The following KIAA1328 variants were observed in gnomAD, a reference collection of about 807,000 sequenced individuals.
The protein encoded by KIAA1328 is KIAA1328, also known as protein hinderin.
KIAA1328 carries 52 observed loss-of-function variants against 68.1 expected under a neutral mutation model. The observed-to-expected ratio is 0.76, with a 90% CI of 0.61 to 0.96. KIAA1328 has a LOEUF of 0.96. KIAA1328 is among the 40% of genes least tolerant of loss of function. KIAA1328 has a pLI of 0.00. For synonymous variants in KIAA1328, 232 were observed against 239.4 expected, an observed-to-expected ratio of 0.97 and a Z score of 0.28; for missense variants, 641 against 677.6, an observed-to-expected ratio of 0.95 and a Z score of 0.60.
chr18:37,221,955 C>A, intron 9 of KIAA1328, 62 bp from the exon 10 acceptor site: 2 of 1,517,000 alleles, frequency 1.3e-6, no homozygotes, highest in South Asian at 1.2e-5. Context: ...TTCTGCTGGG[C>A]TTCTTGAATT....
intron 6 of KIAA1328, among the ~76,000 whole-genome samples, chr18:37,061,421 G>T (rs959594526): frequency 2.0e-5 from 3 of 152,162 alleles, no homozygotes; most frequent in South Asian, 2.1e-4. Context: ...TACACAGATA[G>T]ATACAAATAT....
chr18:36,939,772 C>T (rs568739398), intron 5 of KIAA1328, among the ~76,000 whole-genome samples: 3 of 152,084 alleles, frequency 2.0e-5, no homozygotes, highest in East Asian at 3.9e-4. Flanking sequence ...TTTTCTGTGC[C>T]TAATTTGTTG....
At chr18:36,877,401 T>G (rs560711262) in intron 4 of KIAA1328, among the ~76,000 whole-genome samples, 1 of 152,160 alleles carries the variant, frequency 6.6e-6, no homozygotes, top group South Asian at 2.1e-4. Context: ...TCTTGTTGCA[T>G]TGATCCCTTT....
intron 7 of KIAA1328, among the ~76,000 whole-genome samples, chr18:37,105,549 A>G (rs1057139526): frequency 2.7e-5 from 4 of 150,696 alleles, no homozygotes; most frequent in African/African-American, 9.8e-5. Context: ...AGTATTTGCT[A>G]TTAATTGAAT....
chr18:37,125,170 A>T (rs1411313147), intron 7 of KIAA1328, among the ~76,000 whole-genome samples: 1 of 152,114 alleles, frequency 6.6e-6, no homozygotes, highest in Non-Finnish European at 1.5e-5. Context: ...TCTACAAAAA[A>T]TTAGCCAGGC....
Position 36,898,734 on chromosome 18 carries a change from T to C in KIAA1328, c.448+13062T>C, listed in dbSNP as rs2048942788. Among the ~76,000 whole-genome samples the C allele has an allele frequency of 3.3e-5, 5 of 152,006 alleles. No homozygotes were observed. In the South Asian group the frequency reaches 8.3e-4, roughly 25 times the overall value. On this transcript the variant is annotated intron_variant, in intron 5 of 9. Coordinates refer to ENST00000280020, the MANE Select transcript of KIAA1328 (RefSeq NM_020776.3). ...CAAGCTTCACCATGATTTGCAATTCTAGTCAGCAGAACAGAGTCTGTTAAT... is the reference window on the plus strand; with the variant it reads ...CAAGCTTCACCATGATTTGCAATTCCAGTCAGCAGAACAGAGTCTGTTAAT...
chr18:36,885,994 G>A (rs1239452582), intron 5 of KIAA1328: 1 of 306,754 alleles, frequency 3.3e-6, no homozygotes, highest in Non-Finnish European at 5.9e-6. Context: ...TAGGATTACA[G>A]GTGTGAGCCA....
chr18:36,906,643 A>G (rs1346810374), intron 5 of KIAA1328, among the ~76,000 whole-genome samples: 1 of 152,112 alleles, frequency 6.6e-6, no homozygotes, highest in Non-Finnish European at 1.5e-5. Context: ...TTTATGGGGT[A>G]CATGAGATAT....
chr18:36,876,525 C>G (rs952774429), intron 4 of KIAA1328, among the ~76,000 whole-genome samples: 1 of 152,118 alleles, frequency 6.6e-6, no homozygotes, highest in African/African-American at 2.4e-5. Context: ...GTGATATCCC[C>G]TTTATCATAT....
downstream of KIAA1328, chr18:37,230,857 T>C (rs186736253): frequency 6.6e-6 from 1 of 152,330 alleles, no homozygotes; most frequent in East Asian, 1.9e-4. Context: ...GATTTGTAAC[T>C]TCAGTGCTTA....
intron 8 of KIAA1328, 48 bp downstream of exon 8, chr18:37,160,429 G>A: frequency 6.6e-7 from 1 of 1,510,726 alleles, no homozygotes; most frequent in Non-Finnish European, 9.0e-7. Flanking sequence ...GTAGGGGAAG[G>A]TAGTTGCTAG....
intron 6 of KIAA1328, among the ~76,000 whole-genome samples, chr18:37,046,023 C>T (rs2629949): frequency 0.73 from 111,386 of 152,038 alleles, 43,942 homozygotes; most frequent in South Asian, 0.89. Flanking sequence ...AGATTTTTCT[C>T]GAATATATGA....
chr18:37,079,489 A>G (rs1420837233), intron 7 of KIAA1328, among the ~76,000 whole-genome samples: 1 of 150,818 alleles, frequency 6.6e-6, no homozygotes, highest in Non-Finnish European at 1.5e-5. Context: ...ATAATAATAA[A>G]ATAAAATAAA....
At chr18:37,094,095 G>C (rs971789633) in intron 7 of KIAA1328, among the ~76,000 whole-genome samples, 1 of 152,216 alleles carries the variant, frequency 6.6e-6, no homozygotes, top group Non-Finnish European at 1.5e-5. Context: ...GCATTAGACA[G>C]GTTCTCATAA....
At chr18:37,003,451 C>G (rs1192235002) in intron 6 of KIAA1328, among the ~76,000 whole-genome samples, 2 of 152,080 alleles carry the variant, frequency 1.3e-5, no homozygotes, top group Non-Finnish European at 2.9e-5. Context: ...GCAGGGGACT[C>G]ATATCCAGGA....
intron 5 of KIAA1328, among the ~76,000 whole-genome samples, chr18:36,947,930 C>T (rs1197233088): frequency 1.3e-5 from 2 of 152,012 alleles, no homozygotes; most frequent in African/African-American, 4.8e-5. Context: ...CTTTGCCAGT[C>T]TTAAGATCTC....
chr18:37,030,344 A>G (rs2054772740), intron 6 of KIAA1328, among the ~76,000 whole-genome samples: 1 of 152,056 alleles, frequency 6.6e-6, no homozygotes, highest in Non-Finnish European at 1.5e-5. Flanking sequence ...CATTAGCTAT[A>G]TTTTATTGTT....
chr18:37,047,707 A>G (rs1297688577), intron 6 of KIAA1328, among the ~76,000 whole-genome samples: 3 of 152,148 alleles, frequency 2.0e-5, no homozygotes, highest in Non-Finnish European at 4.4e-5. Flanking sequence ...AGGCAAAACT[A>G]ATTCCCCTGC....
intron 6 of KIAA1328, among the ~76,000 whole-genome samples, chr18:37,032,678 G>C (rs943900663): frequency 2.6e-5 from 4 of 151,584 alleles, no homozygotes; most frequent in African/African-American, 9.7e-5. Flanking sequence ...TTTCACTCTT[G>C]TTGCCCAGGC....
Sources: allele counts gnomAD v4.1 joint callset (sites outside exome capture counted in the v4.1 genomes callset), GRCh38; gene constraint gnomAD v4.1.1; transcripts MANE v1.5; gene names NCBI Gene and HGNC (gene_info 2026-07-23, HGNC 2026-07-21).